The following LAMA2 variants were observed in gnomAD, a reference collection of about 807,000 sequenced individuals.
LAMA2 encodes laminin subunit alpha-2.
A neutral mutation model predicts 364.8 loss-of-function variants in LAMA2; 269 were observed. That is an observed-to-expected ratio of 0.74 (90% CI 0.67 to 0.82). LAMA2 has a LOEUF of 0.82. LAMA2 is among the 40% of genes least tolerant of loss of function. The pLI is 0.00. For missense variants in LAMA2, 3,807 were observed against 3,873.2 expected (o/e 0.98, Z 0.45); for synonymous variants, 1,379 against 1,370.6 (o/e 1.01, Z -0.14).
At chr6:129,368,080 C>T (rs116222732) in intron 33 of LAMA2, among the ~76,000 whole-genome samples, 18 of 152,292 alleles carry the variant, frequency 1.2e-4, no homozygotes, top group African/African-American at 4.1e-4. Context: ...TATCTGGATA[C>T]TGAGGAAAAG....
intron 17 of LAMA2, among the ~76,000 whole-genome samples, chr6:129,279,270 T>A (rs1253729459): frequency 6.6e-6 from 1 of 152,056 alleles, no homozygotes; most frequent in African/African-American, 2.4e-5. Context: ...GTATGAGAGG[T>A]GCCTCTCACA....
At chr6:129,304,506 G>A (rs1375773133) in intron 22 of LAMA2, among the ~76,000 whole-genome samples, 3 of 152,246 alleles carry the variant, frequency 2.0e-5, no homozygotes, top group African/African-American at 4.8e-5. Flanking sequence ...CTCGTGATCC[G>A]CCAGCCTCAG....
At chr6:129,375,406 A>C in intron 34 of LAMA2, among the ~76,000 whole-genome samples, 1 of 152,150 alleles carries the variant, frequency 6.6e-6, no homozygotes, top group Non-Finnish European at 1.5e-5. Context: ...ACTTGGAGAC[A>C]AGTCTGTATT....
chr6:129,285,209 G>A (rs991109107), intron 18 of LAMA2, among the ~76,000 whole-genome samples: 6 of 151,884 alleles, frequency 4.0e-5, no homozygotes, highest in Non-Finnish European at 7.4e-5. Flanking sequence ...AATTCCTAAC[G>A]GAACACCTTC....
At chr6:129,500,627 T>A (rs973709249) in intron 58 of LAMA2, among the ~76,000 whole-genome samples, 1 of 152,204 alleles carries the variant, frequency 6.6e-6, no homozygotes, top group Non-Finnish European at 1.5e-5. Flanking sequence ...GGTCAAAGGT[T>A]TTTTTCTAAA....
chr6:129,274,633 T>C (rs1291893814), intron 17 of LAMA2, among the ~76,000 whole-genome samples: 1 of 151,992 alleles, frequency 6.6e-6, no homozygotes, highest in Non-Finnish European at 1.5e-5. Context: ...GATGTATGAA[T>C]ACAGAGAAGC....
At chr6:129,333,164 T>A (rs1775759799) in intron 29 of LAMA2, among the ~76,000 whole-genome samples, 1 of 152,172 alleles carries the variant, frequency 6.6e-6, no homozygotes, top group Non-Finnish European at 1.5e-5. Flanking sequence ...AGTTCAGGGA[T>A]TACAGGCATG....
chr6:129,059,823 C>T lies in LAMA2; in HGVS notation c.323C>T (p.Thr108Ile), dbSNP rs574486340. 4.3e-6 allele frequency: 7 copies of T among 1,610,580 alleles called. No individual in the cohort carries two copies. In the South Asian group the frequency reaches 7.7e-5, roughly 18 times the overall value. The change falls in exon 3 of 65, where the codon ACT becomes ATT. Residue 108 changes from threonine to isoleucine, a missense_variant. By Grantham distance (89) the Thr-to-Ile change is moderately conservative. This residue lies in a region of LAMA2 where 394 missense variants were observed against 403.5 expected (regional missense o/e 0.98). Transcript: ENST00000421865. ...ACAAATGCTATTGATGGAAAGAACA[C>T]TTGGTGGCAGAGTCCCAGTATTAAG... ...PITNAIDGKN[T>I]WWQSPSIKNG...
chr6:129,128,217 G>T (rs921829279), intron 4 of LAMA2, among the ~76,000 whole-genome samples: 1 of 152,148 alleles, frequency 6.6e-6, no homozygotes, highest in African/African-American at 2.4e-5. Context: ...TCTGCATGTG[G>T]ATACCTAGTT....
intron 29 of LAMA2, among the ~76,000 whole-genome samples, chr6:129,330,592 GTTTTTGT>G (rs1775579765): frequency 1.3e-5 from 1 of 78,532 alleles, no homozygotes; most frequent in Admixed American, 1.4e-4. Context: ...TTGTTGTTTG[GTTTTTGT>G]TTTTTTTTTT....
chr6:129,310,192 C>A (rs1347476270), intron 22 of LAMA2, among the ~76,000 whole-genome samples: 2 of 152,152 alleles, frequency 1.3e-5, no homozygotes, highest in Non-Finnish European at 2.9e-5. Context: ...AGCCACCGCG[C>A]CCGGCCGATA....
intron 40 of LAMA2, among the ~76,000 whole-genome samples, chr6:129,412,889 C>T (rs1271580392): frequency 6.6e-6 from 1 of 152,258 alleles, no homozygotes; most frequent in African/African-American, 2.4e-5. Flanking sequence ...CCCAAGCTAA[C>T]TGTAAGGGAG....
At chr6:129,291,999 C>A (rs558063569) in intron 20 of LAMA2, among the ~76,000 whole-genome samples, 31 of 152,218 alleles carry the variant, frequency 2.0e-4, no homozygotes, top group African/African-American at 7.2e-4. Flanking sequence ...CGAATTTAAT[C>A]TTAATCTGTG....
intron 7 of LAMA2, among the ~76,000 whole-genome samples, chr6:129,152,401 T>G (rs1473766336): frequency 6.6e-6 from 1 of 152,194 alleles, no homozygotes; most frequent in African/African-American, 2.4e-5. Flanking sequence ...GGAGGGGAAT[T>G]TTTTAAGCGA....
At chr6:129,362,631 G>T (rs1450516788) in intron 32 of LAMA2, among the ~76,000 whole-genome samples, 1 of 152,188 alleles carries the variant, frequency 6.6e-6, no homozygotes, top group East Asian at 1.9e-4. Flanking sequence ...TAACCAAGGT[G>T]TTTAAGGTCC....
At chr6:129,034,959 C>T (rs1287783389) in intron 1 of LAMA2, among the ~76,000 whole-genome samples, 1 of 152,124 alleles carries the variant, frequency 6.6e-6, no homozygotes, top group Non-Finnish European at 1.5e-5. Context: ...ATGTAGGTGT[C>T]TTTTTGATAT....
At chr6:128,883,934 G>T (rs1448258240) in intron 1 of LAMA2, among the ~76,000 whole-genome samples, 1 of 151,434 alleles carries the variant, frequency 6.6e-6, no homozygotes, top group Non-Finnish European at 1.5e-5. Flanking sequence ...TGGCAATGGC[G>T]CCTCCAGCCT....
At chr6:129,008,530 G>A (rs1562914511) in intron 1 of LAMA2, among the ~76,000 whole-genome samples, 1 of 152,020 alleles carries the variant, frequency 6.6e-6, no homozygotes, top group African/African-American at 2.4e-5. Flanking sequence ...GTGATTTGCT[G>A]GTTTTTGATC....
chr6:129,005,554 A>T (rs9492185), intron 1 of LAMA2, among the ~76,000 whole-genome samples: 51,946 of 151,516 alleles, frequency 0.34, 10,645 homozygotes, highest in African/African-American at 0.58. Flanking sequence ...TATCTTCTTC[A>T]TGTAAAATTT....
Sources: gnomAD v4.1 joint callset for allele counts (sites outside exome capture counted in the v4.1 genomes callset) on GRCh38, gnomAD v4.1.1 for gene constraint, gnomAD v4.1.1 regional missense constraint, MANE v1.5 for transcripts, NCBI Gene and HGNC (gene_info 2026-07-23, HGNC 2026-07-21) for gene names.